The following HIGD1C variants were observed in gnomAD, a reference collection of about 807,000 sequenced individuals.
HIGD1C encodes the protein HIG1 hypoxia inducible domain family member 1C, also known as HIG1 domain family member 1C.
HIGD1C carries 11 observed loss-of-function variants against 13.1 expected under a neutral mutation model. The observed-to-expected ratio is 0.84, with a 90% CI of 0.53 to 1.39. The LOEUF (loss-of-function observed/expected upper bound fraction) is 1.39, where lower values mean the gene tolerates loss of function less well. HIGD1C is among the 40% of genes most tolerant of loss of function. The probability of loss-of-function intolerance (pLI) is 0.00; values close to 1 mark genes in which losing one functional copy is unlikely to be tolerated. For missense variants in HIGD1C, 110 were observed against 112.0 expected (o/e 0.98, Z 0.08); for synonymous variants, 36 against 37.7 (o/e 0.95, Z 0.17).
the HIGD1C span, among the ~76,000 whole-genome samples, chr12:50,942,891 G>C: frequency 2.1e-5 from 3 of 145,680 alleles, no homozygotes; most frequent in Admixed American, 2.1e-4. Context: ...TTGAGATGCA[G>C]TTTCACTCTT....
chr12:50,956,478 G>T (rs2139790443), intron 1 of HIGD1C, among the ~76,000 whole-genome samples: 1 of 152,302 alleles, frequency 6.6e-6, no homozygotes, highest in Non-Finnish European at 1.5e-5. Flanking sequence ...TCCTGCTACA[G>T]GATGGAGGGT....
chr12:50,932,883 G>C, the HIGD1C span, among the ~76,000 whole-genome samples: 8 of 152,276 alleles, frequency 5.3e-5, no homozygotes, highest in African/African-American at 1.9e-4. Flanking sequence ...CTAAGCTCTG[G>C]AACATGAATC....
intron 1 of HIGD1C, among the ~76,000 whole-genome samples, chr12:50,958,628 G>T (rs528726718): frequency 3.3e-5 from 5 of 152,010 alleles, no homozygotes; most frequent in Non-Finnish European, 7.4e-5. Context: ...GAATCACTCT[G>T]GCTGATATTA....
At chr12:50,945,840 G>C in the HIGD1C span, among the ~76,000 whole-genome samples, 4 of 152,080 alleles carry the variant, frequency 2.6e-5, no homozygotes, top group African/African-American at 9.7e-5. Context: ...ATACTACAAG[G>C]CTACAGTAAC....
chr12:50,948,519 T>A, the HIGD1C span, among the ~76,000 whole-genome samples: 1 of 152,064 alleles, frequency 6.6e-6, no homozygotes, highest in Middle Eastern at 3.4e-3. Context: ...AACTTTATTT[T>A]CCTTTGACCC....
At chr12:50,966,304 G>A (rs1939540330) in intron 2 of HIGD1C, among the ~76,000 whole-genome samples, 1 of 152,146 alleles carries the variant, frequency 6.6e-6, no homozygotes, top group South Asian at 2.1e-4. Context: ...CTTAGTTTAG[G>A]GAGTGGGTAA....
At chr12:50,955,992 G>A (rs960635629) in intron 1 of HIGD1C, among the ~76,000 whole-genome samples, 2 of 152,174 alleles carry the variant, frequency 1.3e-5, no homozygotes, top group Non-Finnish European at 2.9e-5. Flanking sequence ...AACAGTAAAG[G>A]TTCTGACTTT....
In HIGD1C at chr12:50,959,416, G is replaced by A. The variant is rs141776178; in HGVS notation, c.95-1552G>A. Among the ~76,000 whole-genome samples, 249 of 152,158 alleles carry A rather than the reference G, an allele frequency of 1.6e-3. 1 individual carries two copies. Among genetic ancestry groups the A allele is most frequent in the African/African-American group, 5.2e-3 (216 of 41,506 alleles). ...ATTATAGGTGTGAGCCACTGTGCCC[G>A]GCCCCATATCCTCTTATAGATGTTA... On this transcript the variant is annotated intron_variant, in intron 1 of 2. Coordinates refer to ENST00000398455, the Ensembl canonical transcript of HIGD1C.
At position 50,954,100 on chromosome 12, in the gene HIGD1C, CA is replaced by C; in HGVS notation, c.94+10del. 4.6e-6 allele frequency: 7 copies of C among 1,525,564 alleles called. No homozygotes were observed. Among genetic ancestry groups the C allele is most frequent in the Non-Finnish European group, 6.4e-6 (7 of 1,101,984 alleles). The allele number at this position is 1,525,564 out of a possible 1,614,324, so 94.5% of individuals were successfully genotyped here. A position where few individuals can be genotyped will look rare whatever the true frequency, so the allele number is the denominator to read the frequency against. Reference sequence around the variant, plus strand: ...CCCCCTTTGTCCCTATAGGTAAGTACAAGCCTTGACTGGATGCAGAAAACTG... The same window carrying C: ...CCCCCTTTGTCCCTATAGGTAAGTACAGCCTTGACTGGATGCAGAAAACTG... On this transcript the variant is annotated intron_variant, in intron 1 of 2. Transcript: ENST00000398455.
At chr12:50,961,748 G>A (rs1193079806) in intron 2 of HIGD1C, among the ~76,000 whole-genome samples, 1 of 152,132 alleles carries the variant, frequency 6.6e-6, no homozygotes, top group African/African-American at 2.4e-5. Flanking sequence ...CTACATTAAT[G>A]AGAACAGGTC....
At chr12:50,940,692 C>T in the HIGD1C span, among the ~76,000 whole-genome samples, 3 of 145,414 alleles carry the variant, frequency 2.1e-5, no homozygotes, top group Non-Finnish European at 3.0e-5. Context: ...CACTGCAATC[C>T]AGCCTGGGCG....
the HIGD1C span, among the ~76,000 whole-genome samples, chr12:50,946,625 T>C: frequency 6.6e-6 from 1 of 152,164 alleles, no homozygotes; most frequent in Non-Finnish European, 1.5e-5. Flanking sequence ...ACTTTTACAC[T>C]GTTGGTGGGA....
At chr12:50,953,422 A>C (rs1938971902), upstream of HIGD1C, among the ~76,000 whole-genome samples, 1 of 152,204 alleles carries the variant, frequency 6.6e-6, no homozygotes, top group African/African-American at 2.4e-5. Context: ...TTCTTCATTC[A>C]TCCTATGTAG....
At chr12:50,954,753 A>C (rs968768952) in intron 1 of HIGD1C, among the ~76,000 whole-genome samples, 3 of 152,128 alleles carry the variant, frequency 2.0e-5, no homozygotes, top group African/African-American at 4.8e-5. Flanking sequence ...TAAACAAAAA[A>C]CCAAAAACTT....
chr12:50,966,233 C>G (rs1939537663), intron 2 of HIGD1C, among the ~76,000 whole-genome samples: 1 of 152,190 alleles, frequency 6.6e-6, no homozygotes, highest in Admixed American at 6.6e-5. Flanking sequence ...TTCTGGCATA[C>G]AGAGAACAGT....
At chr12:50,957,074 T>C (rs932459298) in intron 1 of HIGD1C, among the ~76,000 whole-genome samples, 1 of 152,066 alleles carries the variant, frequency 6.6e-6, no homozygotes, top group Non-Finnish European at 1.5e-5. Context: ...TACATGTAAA[T>C]GTAATGATTT....
At chr12:50,941,181 T>C in the HIGD1C span, among the ~76,000 whole-genome samples, 4 of 151,924 alleles carry the variant, frequency 2.6e-5, no homozygotes, top group Non-Finnish European at 5.9e-5. Context: ...AGAGATGGGG[T>C]CTCCCTATGT....
chr12:50,954,090 T>G, exon 1 of HIGD1C: 1 of 1,594,484 alleles, frequency 6.3e-7, no homozygotes, highest in Non-Finnish European at 8.6e-7. Flanking sequence ...TTTGTCCCTA[T>G]AGGTAAGTAC....
At chr12:50,944,843 C>A in the HIGD1C span, among the ~76,000 whole-genome samples, 1 of 152,102 alleles carries the variant, frequency 6.6e-6, no homozygotes, top group Non-Finnish European at 1.5e-5. Context: ...GTCGAGATTG[C>A]CCCACTGCAC....
Sources: allele counts gnomAD v4.1 joint callset (sites outside exome capture counted in the v4.1 genomes callset), GRCh38; gene constraint gnomAD v4.1.1; transcripts MANE v1.5; gene names NCBI Gene and HGNC (gene_info 2026-07-23, HGNC 2026-07-21).